Variants in PTK2 observed in about 807,000 individuals in gnomAD.
PTK2 encodes focal adhesion kinase 1.
A neutral mutation model predicts 150.1 loss-of-function variants in PTK2; 45 were observed. That is an observed-to-expected ratio of 0.30 (90% CI 0.24 to 0.38). PTK2 has a LOEUF of 0.38. PTK2 is among the 10% of genes least tolerant of loss of function. The pLI, the probability that PTK2 is intolerant of heterozygous loss-of-function variation, is 1.00. For synonymous variants in PTK2, 432 were observed against 449.2 expected (o/e 0.96, Z 0.48); for missense variants, 919 against 1,307.3 (o/e 0.70, Z 4.58).
At chr8:140,873,467 T>TC (rs71308991) in intron 4 of PTK2, among the ~76,000 whole-genome samples, 61,067 of 152,082 alleles carry the variant, frequency 0.4, 14,748 homozygotes, top group Non-Finnish European at 0.55. Context: ...TCTGCAATTT[T>TC]TTTTTTTTCT....
chr8:140,964,442 G>A (rs1485353545), intron 1 of PTK2, among the ~76,000 whole-genome samples: 3 of 151,194 alleles, frequency 2.0e-5, no homozygotes, highest in Admixed American at 6.6e-5. Context: ...GTGGCAATGC[G>A]ATCAAGCTCA....
chr8:140,816,078 T>C (rs2100104542), intron 10 of PTK2, among the ~76,000 whole-genome samples: 1 of 152,184 alleles, frequency 6.6e-6, no homozygotes, highest in Non-Finnish European at 1.5e-5. Context: ...ATTACATTAT[T>C]ATACACTTAT....
intron 1 of PTK2, among the ~76,000 whole-genome samples, chr8:140,998,159 A>G (rs532144435): frequency 3.3e-5 from 5 of 152,368 alleles, no homozygotes; most frequent in East Asian, 1.9e-4. Flanking sequence ...TACAAACAGT[A>G]TAACTTTTAA....
At chr8:140,877,853 C>T (rs546209588) in intron 4 of PTK2, among the ~76,000 whole-genome samples, 2 of 152,196 alleles carry the variant, frequency 1.3e-5, no homozygotes, top group Admixed American at 1.3e-4. Flanking sequence ...AAAAGAACAA[C>T]AACAATCTAC....
At chr8:140,678,613 C>T (rs2100015182) in intron 27 of PTK2, among the ~76,000 whole-genome samples, 1 of 152,156 alleles carries the variant, frequency 6.6e-6, no homozygotes, top group African/African-American at 2.4e-5. Context: ...CTTGGCCTCC[C>T]CAAGTGCTGG....
intron 8 of PTK2, among the ~76,000 whole-genome samples, chr8:140,819,552 G>A (rs1265871326): frequency 1.3e-5 from 2 of 152,208 alleles, no homozygotes; most frequent in Non-Finnish European, 2.9e-5. Flanking sequence ...GCCTGGTTAC[G>A]TAAACTATGG....
intron 27 of PTK2, among the ~76,000 whole-genome samples, chr8:140,685,583 T>C (rs570871274): frequency 6.6e-6 from 1 of 152,264 alleles, no homozygotes; most frequent in East Asian, 1.9e-4. Flanking sequence ...GCAAAGGACA[T>C]GAACAGACAC....
At chr8:140,692,638 AG>A (rs1264234807) in intron 26 of PTK2, among the ~76,000 whole-genome samples, 1 of 116,392 alleles carries the variant, frequency 8.6e-6, no homozygotes, top group Non-Finnish European at 1.9e-5. Flanking sequence ...AAAACAAACA[AG>A]CCAAAAAAAA....
intron 5 of PTK2, among the ~76,000 whole-genome samples, chr8:140,849,479 T>C (rs924262495): frequency 6.6e-6 from 1 of 152,238 alleles, no homozygotes; most frequent in Non-Finnish European, 1.5e-5. Context: ...AGAATTGCTA[T>C]CATTTGTGAA....
intron 7 of PTK2, among the ~76,000 whole-genome samples, chr8:140,844,089 T>G (rs1390172760): frequency 6.6e-6 from 1 of 152,170 alleles, no homozygotes; most frequent in African/African-American, 2.4e-5. Flanking sequence ...TTGTTTGATG[T>G]TTTTTCTCGT....
intron 29 of PTK2, chr8:140,672,230 T>A: frequency 2.3e-6 from 1 of 428,998 alleles, no homozygotes. Context: ...GGTCTCACTA[T>A]GTTGCGCAGG....
At chr8:140,728,776 C>T (rs894283650) in intron 22 of PTK2, among the ~76,000 whole-genome samples, 1 of 152,142 alleles carries the variant, frequency 6.6e-6, no homozygotes, top group African/African-American at 2.4e-5. Context: ...CTGCCTTGGC[C>T]TCCCAAAATG....
chr8:140,944,883 T>G (rs1276690640), intron 1 of PTK2, among the ~76,000 whole-genome samples: 1 of 152,222 alleles, frequency 6.6e-6, no homozygotes, highest in Admixed American at 6.5e-5. Context: ...GAGCAATGCT[T>G]CTTTTAGAAA....
intron 14 of PTK2, among the ~76,000 whole-genome samples, chr8:140,786,300 A>C (rs1425217175): frequency 6.6e-6 from 1 of 152,212 alleles, no homozygotes; most frequent in Non-Finnish European, 1.5e-5. Flanking sequence ...GGAGAAGCAC[A>C]TGCAGAATTT....
chr8:140,852,422 C>T (rs2100129886), intron 5 of PTK2, among the ~76,000 whole-genome samples: 1 of 152,034 alleles, frequency 6.6e-6, no homozygotes, highest in African/African-American at 2.4e-5. Flanking sequence ...TAAAACTGCA[C>T]AGAATTACAC....
intron 4 of PTK2, among the ~76,000 whole-genome samples, chr8:140,870,916 C>T (rs1387658429): frequency 6.6e-6 from 1 of 151,940 alleles, no homozygotes; most frequent in African/African-American, 2.4e-5. Context: ...TCCTGTTTCC[C>T]CTAGGGGACA....
chr8:140,932,260 G>A (rs1013824847), intron 1 of PTK2, among the ~76,000 whole-genome samples: 4 of 152,044 alleles, frequency 2.6e-5, no homozygotes, highest in African/African-American at 7.2e-5. Context: ...TGTTGCCCAG[G>A]CTGGAGTGCA....
chr8:140,832,935 A>G (rs748606516), intron 7 of PTK2: 1 of 519,016 alleles, frequency 1.9e-6, no homozygotes, highest in East Asian at 5.4e-5. Flanking sequence ...GGCAGGGAAT[A>G]TCCTCTCCGC....
rs570496997 is a variant in PTK2 at position 140,925,754 on chromosome 8, G to A, written c.-121-5C>T. On this transcript the variant is annotated splice_polypyrimidine_tract_variant and splice_region_variant and intron_variant, in intron 1 of 31. Transcript: ENST00000522684. Reference sequence around the variant, plus strand: ...GCAAGGGAGCCCCAGTTCTGCCTGTGAGACAAAGAAAATCATTTCAAAATC... The same window carrying A: ...GCAAGGGAGCCCCAGTTCTGCCTGTAAGACAAAGAAAATCATTTCAAAATC... The A allele has an allele frequency of 1.3e-5, 9 of 666,954 alleles. No individual in the cohort carries two copies. The highest frequency in any genetic ancestry group is 1.7e-5 in the Non-Finnish European group (9 of 539,278). The allele number at this position is 666,954 out of a possible 1,614,324, so 41.3% of individuals were successfully genotyped here.
Sources: allele counts gnomAD v4.1 joint callset (sites outside exome capture counted in the v4.1 genomes callset), GRCh38; gene constraint gnomAD v4.1.1; transcripts MANE v1.5; gene names NCBI Gene and HGNC (gene_info 2026-07-23, HGNC 2026-07-21).